TBCK: variants seen among roughly 807,000 people sequenced by gnomAD.
The protein encoded by TBCK is TBC1 domain containing kinase, also known as TBC domain-containing protein kinase-like protein.
TBCK carries 99 observed loss-of-function variants against 113.4 expected under a neutral mutation model. The observed-to-expected ratio is 0.87, with a 90% confidence interval of 0.74 to 1.03. The LOEUF (loss-of-function observed/expected upper bound fraction) is 1.03, where lower values mean the gene tolerates loss of function less well. Ranked by LOEUF, TBCK falls within the 50% of genes least tolerant of loss-of-function variation. TBCK has a pLI of 0.00. For missense variants in TBCK, 1,045 were observed against 1,061.3 expected, an observed-to-expected ratio of 0.98 and a Z score of 0.21; for synonymous variants, 369 against 370.8, an observed-to-expected ratio of 1.00 and a Z score of 0.05.
In TBCK at chr4:106,095,506, C is replaced by T; in HGVS notation, c.2547G>A (p.Gly849=). 7 of 1,613,796 alleles carry T rather than the reference C, an allele frequency of 4.3e-6. No individual in the cohort carries two copies. The highest frequency in any genetic ancestry group is 1.1e-5 in the South Asian group (1 of 91,038). The change falls in exon 25 of 26, where the codon GGG becomes GGA. Residue 849 remains glycine, a synonymous_variant. Transcript: ENST00000394708. ...CCTCAGCTGTGTGTTTTGCCACATGCCCCACGATGACAATGACCTTCCCTT... is the reference window on the plus strand; with the variant it reads ...CCTCAGCTGTGTGTTTTGCCACATGTCCCACGATGACAATGACCTTCCCTT... ...NFKGKVIVIV[G]HVAKHTAEFA...
chr4:106,194,764 GA>G lies in TBCK; in HGVS notation c.1861-11del. 3.8e-6 allele frequency: 6 copies of G among 1,573,252 alleles called. No homozygotes were observed. Among genetic ancestry groups the G allele is most frequent in the East Asian group, 2.3e-5 (1 of 42,558 alleles). On this transcript the variant is annotated splice_polypyrimidine_tract_variant and intron_variant, in intron 20 of 25. Coordinates refer to ENST00000394708, the MANE Select transcript of TBCK (RefSeq NM_001163435.3). The stretch of plus-strand genomic sequence containing the variant: ...AAGGGATGGCATAGAGCTATGAGTG[GA>G]AAAAGGGGTACAGGGAATGGATAAA...
chr4:106,158,557 TAGTTAAGTTCTTAGAAACACAAAGCTTAC>T (rs1446271420), intron 23 of TBCK, among the ~76,000 whole-genome samples: 4 of 152,098 alleles, frequency 2.6e-5, no homozygotes, highest in African/African-American at 9.7e-5. Flanking sequence ...CTAAATGAAG[TAGTTAAGTTCTTAGAAACACAAAGCTTAC>T]CAAGACTAAA....
intron 3 of TBCK, among the ~76,000 whole-genome samples, chr4:106,278,853 A>C (rs1192162094): frequency 6.6e-6 from 1 of 151,980 alleles, no homozygotes; most frequent in South Asian, 2.1e-4. Context: ...GCATAATGTA[A>C]ACTCTATTGC....
chr4:106,288,694 G>A (rs1765365870), intron 3 of TBCK, among the ~76,000 whole-genome samples: 1 of 152,182 alleles, frequency 6.6e-6, no homozygotes, highest in Non-Finnish European at 1.5e-5. Flanking sequence ...TAATCCACAT[G>A]TTGTGGGTAC....
intron 20 of TBCK, among the ~76,000 whole-genome samples, chr4:106,211,282 T>A (rs748585801): frequency 6.6e-6 from 1 of 152,148 alleles, no homozygotes; most frequent in Admixed American, 6.5e-5. Context: ...ACTCTAGCCA[T>A]AAGATTGGAT....
chr4:106,295,115 A>C lies in TBCK; in HGVS notation c.245T>G (p.Leu82Arg), dbSNP rs766562297. Residue 82 changes from leucine to arginine, a missense_variant, in exon 3 of 26, where the codon CTT becomes CGT. Physicochemically the swap from Leu to Arg is moderately radical, Grantham distance 102 (BLOSUM62 -2). Transcript: ENST00000394708. ...GTACCTCACAGGTTTCCTTTCTCGA[A>C]GCAAGTCTTCCAGACTACGTTCACA... Reference protein sequence around the residue: ...EHCERSLEDLLRERKPVSCST... With the variant: ...EHCERSLEDLRRERKPVSCST... 1 of 1,613,564 alleles carries C rather than the reference A, an allele frequency of 6.2e-7. No individual in the cohort carries two copies. Among genetic ancestry groups the C allele is most frequent in the Non-Finnish European group, 8.5e-7 (1 of 1,179,668 alleles).
At chr4:106,129,838 G>T (rs1745665239) in intron 23 of TBCK, among the ~76,000 whole-genome samples, 1 of 152,194 alleles carries the variant, frequency 6.6e-6, no homozygotes, top group Non-Finnish European at 1.5e-5. Context: ...AACCTGTTTA[G>T]ACTGCGTCAA....
chr4:106,204,694 T>C (rs994901951), intron 20 of TBCK, among the ~76,000 whole-genome samples: 4 of 151,998 alleles, frequency 2.6e-5, no homozygotes, highest in South Asian at 2.1e-4. Flanking sequence ...TGAGCTAATA[T>C]TGATGGTTTC....
At chr4:106,284,081 T>C (rs1310758932) in intron 3 of TBCK, among the ~76,000 whole-genome samples, 1 of 152,116 alleles carries the variant, frequency 6.6e-6, no homozygotes, top group East Asian at 1.9e-4. Flanking sequence ...CATCTTTCGG[T>C]ATTATTTTCC....
At chr4:106,202,254 TTTTA>T (rs1754976090) in intron 20 of TBCK, among the ~76,000 whole-genome samples, 1 of 151,928 alleles carries the variant, frequency 6.6e-6, no homozygotes. Context: ...GTATAAAATA[TTTTA>T]TTTATCAGTA....
At position 106,079,185 on chromosome 4, in the gene TBCK, G is replaced by C. The variant is rs533590673; in HGVS notation, c.2571+16297C>G. Among the ~76,000 whole-genome samples, 8 of 152,146 alleles carry C rather than the reference G, an allele frequency of 5.3e-5. No individual in the cohort carries two copies. In the East Asian group the frequency reaches 9.7e-4, roughly 18 times the overall value. ...AAAAAAACATACCTCAAAATAAAAAGAGGCATTTAGGACAAACCCACAGCC... is the reference window on the plus strand; with the variant it reads ...AAAAAAACATACCTCAAAATAAAAACAGGCATTTAGGACAAACCCACAGCC... On this transcript the variant is annotated intron_variant, in intron 25 of 25. Coordinates refer to ENST00000394708, the MANE Select transcript of TBCK (RefSeq NM_001163435.3).
chr4:106,224,962 A>G (rs2149964217), intron 19 of TBCK, among the ~76,000 whole-genome samples: 1 of 152,322 alleles, frequency 6.6e-6, no homozygotes, highest in East Asian at 1.9e-4. Flanking sequence ...GCTCTGTGCT[A>G]ACATAATAGT....
intron 22 of TBCK, among the ~76,000 whole-genome samples, chr4:106,192,162 A>G (rs1428925814): frequency 6.6e-6 from 1 of 152,146 alleles, no homozygotes; most frequent in Non-Finnish European, 1.5e-5. Flanking sequence ...AGACAAGCAG[A>G]GTTGCCACTA....
chr4:106,093,981 G>A (rs1391704336), intron 25 of TBCK, among the ~76,000 whole-genome samples: 1 of 152,162 alleles, frequency 6.6e-6, no homozygotes, highest in Admixed American at 6.5e-5. Context: ...GGCTGATAAT[G>A]GGAAAGGTTG....
Position 106,058,272 on chromosome 4 carries a change from C to T in TBCK, c.2572-11592G>A, listed in dbSNP as rs192237268. ...ATGGTTGTTCAAATTGTGCCTTGTACGAGAAAGCCTGAAAAAGGGAGTAAG... is the reference window on the plus strand; with the variant it reads ...ATGGTTGTTCAAATTGTGCCTTGTATGAGAAAGCCTGAAAAAGGGAGTAAG... On this transcript the variant is annotated intron_variant, in intron 25 of 25. Coordinates refer to ENST00000394708, the MANE Select transcript of TBCK (RefSeq NM_001163435.3). 6.3e-4 allele frequency among the ~76,000 whole-genome samples: 95 copies of T among 151,766 alleles called. 3 individuals carry two copies. Among genetic ancestry groups the T allele is most frequent in the Admixed American group, 1.7e-3 (26 of 15,198 alleles).
At chr4:106,218,888 A>C (rs1757321218) in intron 19 of TBCK, among the ~76,000 whole-genome samples, 1 of 149,908 alleles carries the variant, frequency 6.7e-6, no homozygotes, top group Non-Finnish European at 1.5e-5. Context: ...CCAAAGGACT[A>C]TAAATCATGC....
At chr4:106,246,000 C>T (rs1330132509) in intron 10 of TBCK, among the ~76,000 whole-genome samples, 1 of 152,102 alleles carries the variant, frequency 6.6e-6, no homozygotes, top group African/African-American at 2.4e-5. Flanking sequence ...GGAAATTTTA[C>T]ACTCTATATT....
Position 106,252,014 on chromosome 4 carries a change from T to G in TBCK, c.456-7A>C. 1 of 1,586,390 alleles carries G rather than the reference T, an allele frequency of 6.3e-7. No individual in the cohort carries two copies. The highest frequency in any genetic ancestry group is 8.6e-7 in the Non-Finnish European group (1 of 1,167,036). On this transcript the variant is annotated splice_region_variant and splice_polypyrimidine_tract_variant and intron_variant, in intron 5 of 25. Transcript: ENST00000394708. ...GGCCAAGTACGAGGGATACCTGTAA[T>G]GATACATTAAAATAATGAAAAATTA...
intron 23 of TBCK, among the ~76,000 whole-genome samples, chr4:106,144,954 G>A (rs1404392112): frequency 1.3e-5 from 2 of 151,308 alleles, no homozygotes; most frequent in Admixed American, 6.6e-5. Context: ...ACTGGGAGGC[G>A]GAGGTTGCAG....
Sources: allele counts gnomAD v4.1 joint callset (sites outside exome capture counted in the v4.1 genomes callset), GRCh38; gene constraint gnomAD v4.1.1; transcripts MANE v1.5; gene names NCBI Gene and HGNC (gene_info 2026-07-23, HGNC 2026-07-21).